Variants in HNF1B observed in about 807,000 individuals in gnomAD.
HNF1B encodes the protein HNF1 homeobox B, also known as hepatocyte nuclear factor 1-beta.
HNF1B carries 8 observed loss-of-function variants against 61.7 expected under a neutral mutation model. That is an observed-to-expected ratio of 0.13 (90% confidence interval 0.08 to 0.23). The LOEUF (loss-of-function observed/expected upper bound fraction) is 0.23, where lower values mean the gene tolerates loss of function less well. Among genes scored for constraint, HNF1B ranks in the 10% least tolerant of loss-of-function variants. The pLI, the probability that HNF1B is intolerant of heterozygous loss-of-function variation, is 1.00. For synonymous variants in HNF1B, 314 were observed against 287.7 expected, an observed-to-expected ratio of 1.09 and a Z score of -0.93; for missense variants, 562 against 714.5, an observed-to-expected ratio of 0.79 and a Z score of 2.43.
intron 6 of HNF1B, among the ~76,000 whole-genome samples, chr17:37,703,435 A>T (rs1406025128): frequency 6.6e-6 from 1 of 152,062 alleles, no homozygotes; most frequent in African/African-American, 2.4e-5. Context: ...ATATAACTGT[A>T]TGGCAGTGAA....
intron 4 of HNF1B, among the ~76,000 whole-genome samples, chr17:37,720,231 G>C (rs1294387477): frequency 1.3e-5 from 2 of 152,178 alleles, no homozygotes; most frequent in Non-Finnish European, 2.9e-5. Context: ...CAAAAGAGGA[G>C]ACGTTCTTGC....
At chr17:37,720,170 G>C (rs17138469) in intron 4 of HNF1B, among the ~76,000 whole-genome samples, 21,625 of 152,118 alleles carry the variant, frequency 0.14, 1,961 homozygotes, top group East Asian at 0.33. Context: ...CCAGATAATT[G>C]ATTTGCAGTA....
At chr17:37,725,422 C>T (rs1034994947) in intron 4 of HNF1B, among the ~76,000 whole-genome samples, 1 of 152,184 alleles carries the variant, frequency 6.6e-6, no homozygotes, top group African/African-American at 2.4e-5. Flanking sequence ...GGGAGGCTGA[C>T]AGCAGAACAC....
At position 37,689,169 on chromosome 17, in the gene HNF1B, AAG is replaced by A. The variant is rs1555818598; in HGVS notation, c.1654-1779_1654-1778del. On this transcript the variant is annotated intron_variant, in intron 8 of 8. Coordinates refer to ENST00000617811, the MANE Select transcript of HNF1B (RefSeq NM_000458.4). ...CACAAAAAAAAAAAAAAAAAAAAAA[AAG>A]AGGGGGGCTGAGCAGTGCGTGCATG... Among the ~76,000 whole-genome samples, 9 of 150,934 alleles carry A rather than the reference AAG, an allele frequency of 6.0e-5. No homozygotes were observed. The East Asian group carries it at 9.7e-4, about 16-fold the overall frequency.
At position 37,741,840 on chromosome 17, in the gene HNF1B, A is replaced by T. The variant is rs536238273; in HGVS notation, c.345-2201T>A. Among the ~76,000 whole-genome samples the T allele has an allele frequency of 4.5e-4, 68 of 152,274 alleles. 1 individual carries two copies. Among genetic ancestry groups the T allele is most frequent in the South Asian group, 2.7e-3 (13 of 4,820 alleles). ...TTAGCCCAACAATTGGGGAGGGTTT[A>T]AAAAAAGCCCCCAAGAACCTTATAA... On this transcript the variant is annotated intron_variant, in intron 1 of 8. Coordinates refer to ENST00000617811, the MANE Select transcript of HNF1B (RefSeq NM_000458.4).
At chr17:37,732,125 G>T (rs1387659534) in intron 3 of HNF1B, among the ~76,000 whole-genome samples, 1 of 152,170 alleles carries the variant, frequency 6.6e-6, no homozygotes, top group Non-Finnish European at 1.5e-5. Flanking sequence ...CCGGGGACAG[G>T]CAGTCCAGGG....
intron 1 of HNF1B, among the ~76,000 whole-genome samples, chr17:37,743,795 C>G (rs1280956948): frequency 6.6e-6 from 1 of 152,242 alleles, no homozygotes; most frequent in Non-Finnish European, 1.5e-5. Context: ...GCAGCGAGGT[C>G]TGGAAACGCC....
At chr17:37,743,389 G>A (rs959244961) in intron 1 of HNF1B, among the ~76,000 whole-genome samples, 14 of 152,258 alleles carry the variant, frequency 9.2e-5, no homozygotes, top group Non-Finnish European at 1.9e-4. Flanking sequence ...AGCGACGAGG[G>A]AAGAACCTCA....
At chr17:37,713,754 G>A (rs2147483251) in intron 4 of HNF1B, among the ~76,000 whole-genome samples, 1 of 152,344 alleles carries the variant, frequency 6.6e-6, no homozygotes, top group Admixed American at 6.5e-5. Flanking sequence ...ATGGGAGCCA[G>A]GCACAAGGCT....
At position 37,703,047 on chromosome 17, in the gene HNF1B, T is replaced by A. The variant is rs117411704; in HGVS notation, c.1339+1870A>T. On this transcript the variant is annotated intron_variant, in intron 6 of 8. Transcript: ENST00000617811. ...TAAGGAATTGGCCCTGCCAAATAATTTGTTACCACCTTCTCCACAGGCTTC... is the reference window on the plus strand; with the variant it reads ...TAAGGAATTGGCCCTGCCAAATAATATGTTACCACCTTCTCCACAGGCTTC... 2.0e-4 allele frequency among the ~76,000 whole-genome samples: 30 copies of A among 152,344 alleles called. 1 individual carries two copies. In the East Asian group the frequency reaches 5.8e-3, roughly 29 times the overall value.
intron 4 of HNF1B, among the ~76,000 whole-genome samples, chr17:37,712,491 C>T (rs1163386009): frequency 1.3e-5 from 2 of 151,052 alleles, no homozygotes; most frequent in Admixed American, 6.6e-5. Flanking sequence ...AGGATGCTTC[C>T]AACAGTTCAA....
chr17:37,744,382 G>A (rs555769184), intron 1 of HNF1B, among the ~76,000 whole-genome samples, 159 bp downstream of exon 1: 89 of 152,374 alleles, frequency 5.8e-4, no homozygotes, highest in Admixed American at 2.4e-3. Flanking sequence ...TAAGGGATTG[G>A]GAAGGGTCCG....
intron 8 of HNF1B, among the ~76,000 whole-genome samples, chr17:37,690,358 A>G (rs2032156799): frequency 6.6e-6 from 1 of 152,150 alleles, no homozygotes; most frequent in Non-Finnish European, 1.5e-5. Flanking sequence ...AGGGTCCTGT[A>G]TGTCTCTGTT....
At chr17:37,717,648 T>G (rs1469090367) in intron 4 of HNF1B, among the ~76,000 whole-genome samples, 1 of 152,178 alleles carries the variant, frequency 6.6e-6, no homozygotes, top group African/African-American at 2.4e-5. Flanking sequence ...AACACTTTAC[T>G]TTTCTTAAGG....
At chr17:37,725,102 C>A (rs1482901086) in intron 4 of HNF1B, among the ~76,000 whole-genome samples, 4 of 152,178 alleles carry the variant, frequency 2.6e-5, no homozygotes, top group East Asian at 3.8e-4. Flanking sequence ...CCTCTCTCTG[C>A]ACCTGTAATA....
rs1274779295 is a variant in HNF1B, at chr17:37,701,050, C to A, written c.1467G>T (p.Gln489His). Reference protein sequence around the residue: ...HSPHQQPLMQQSPGSHMAQQP... With the variant: ...HSPHQQPLMQHSPGSHMAQQP... ...GCTGGGCCATGTGGCTGCCTGGGCT[C>A]TGCTGCATGAGGGGCTGCTGGTGAG... The change falls in exon 7 of 9, where the codon CAG (glutamine) becomes CAT (histidine). Residue 489 changes from glutamine (Q) to histidine (H), a missense_variant. Gln to His is a conservative substitution (Grantham distance 24, BLOSUM62 0). Around this residue, in one of 6 missense-constraint regions of HNF1B, gnomAD observed 64 missense variants for 96.9 expected, o/e 0.66. Coordinates refer to ENST00000617811, the MANE Select transcript of HNF1B (RefSeq NM_000458.4). 2 of 1,555,544 alleles carry A rather than the reference C, an allele frequency of 1.3e-6. No homozygotes were observed. The highest frequency in any genetic ancestry group is 3.9e-5 in the Admixed American group (2 of 51,622).
intron 8 of HNF1B, among the ~76,000 whole-genome samples, chr17:37,695,149 G>T (rs1444099898): frequency 6.6e-6 from 1 of 152,252 alleles, no homozygotes; most frequent in Non-Finnish European, 1.5e-5. Context: ...CCAGACCAAA[G>T]GCCCTGCTGC....
chr17:37,726,033 G>C (rs938176117), intron 4 of HNF1B, among the ~76,000 whole-genome samples: 3 of 152,120 alleles, frequency 2.0e-5, no homozygotes, highest in African/African-American at 7.2e-5. Context: ...ACCCAGAATG[G>C]GAGACTCTCA....
At chr17:37,709,308 G>A in intron 5 of HNF1B, among the ~76,000 whole-genome samples, 1 of 152,160 alleles carries the variant, frequency 6.6e-6, no homozygotes, top group South Asian at 2.1e-4. Context: ...AGGCTGGAGT[G>A]CAGTGGTGTG....
Sources: allele counts gnomAD v4.1 joint callset (sites outside exome capture counted in the v4.1 genomes callset), GRCh38; gene constraint gnomAD v4.1.1; regional missense constraint gnomAD v4.1.1; transcripts MANE v1.5; gene names NCBI Gene and HGNC (gene_info 2026-07-23, HGNC 2026-07-21).